SORCS1: variants seen among roughly 807,000 people sequenced by gnomAD.
The protein encoded by SORCS1 is VPS10 domain-containing receptor SorCS1.
A neutral mutation model predicts 146.1 loss-of-function variants in SORCS1; 60 were observed. The ratio of observed to expected loss-of-function variants is 0.41; its 90% confidence interval spans 0.33 to 0.51. SORCS1 has a LOEUF of 0.51. Among genes scored for constraint, SORCS1 ranks in the 20% least tolerant of loss-of-function variants. SORCS1 has a pLI of 0.21. For synonymous variants in SORCS1, 637 were observed against 584.0 expected (o/e 1.09, Z -1.31); for missense variants, 1,352 against 1,487.6 (o/e 0.91, Z 1.50).
At chr10:106,812,414 G>A (rs1392782294) in intron 3 of SORCS1, among the ~76,000 whole-genome samples, 2 of 152,200 alleles carry the variant, frequency 1.3e-5, no homozygotes, top group Non-Finnish European at 2.9e-5. Flanking sequence ...GATTTGAGAA[G>A]CTGGAGCCAT....
intron 7 of SORCS1, among the ~76,000 whole-genome samples, chr10:106,707,225 G>C (rs1364377731): frequency 6.8e-6 from 1 of 147,986 alleles, no homozygotes; most frequent in African/African-American, 2.5e-5. Flanking sequence ...TTTCACTGCT[G>C]TTACCCAGGC....
At chr10:107,054,184 G>C (rs917175735) in intron 1 of SORCS1, among the ~76,000 whole-genome samples, 1 of 152,118 alleles carries the variant, frequency 6.6e-6, no homozygotes, top group Non-Finnish European at 1.5e-5. Context: ...ATTCAGAGAG[G>C]GGAAACTAGA....
intron 5 of SORCS1, among the ~76,000 whole-genome samples, chr10:106,743,454 C>G (rs1857498057): frequency 6.6e-6 from 1 of 152,154 alleles, no homozygotes; most frequent in South Asian, 2.1e-4. Context: ...GAGTCTCATT[C>G]TGCCACCCAG....
chr10:106,804,524 G>A (rs949296781), intron 3 of SORCS1, among the ~76,000 whole-genome samples: 1 of 151,560 alleles, frequency 6.6e-6, no homozygotes. Flanking sequence ...AATCAATAAA[G>A]TAAAAAGTTT....
At chr10:107,157,151 C>T (rs185930510) in intron 1 of SORCS1, among the ~76,000 whole-genome samples, 96 of 152,268 alleles carry the variant, frequency 6.3e-4, no homozygotes, top group Admixed American at 1.7e-3. Context: ...AGACAAACTA[C>T]AAGGCTAGGG....
At chr10:106,892,236 CTAGAGT>C (rs897015062) in intron 2 of SORCS1, among the ~76,000 whole-genome samples, 26 of 152,290 alleles carry the variant, frequency 1.7e-4, no homozygotes, top group African/African-American at 6.3e-4. Flanking sequence ...TTTGGTGACC[CTAGAGT>C]TAAACAACGG....
intron 1 of SORCS1, among the ~76,000 whole-genome samples, chr10:107,045,931 G>C (rs1353986051): frequency 6.6e-6 from 1 of 151,690 alleles, no homozygotes; most frequent in African/African-American, 2.4e-5. Flanking sequence ...ACTACAGGTG[G>C]ATGCCACCAT....
At position 106,786,560 on chromosome 10, in the gene SORCS1, G is replaced by C. The variant is rs186093541; in HGVS notation, c.727-9868C>G. 2.4e-3 allele frequency among the ~76,000 whole-genome samples: 358 copies of C among 152,190 alleles called. 4 individuals are homozygous for C. The highest frequency in any genetic ancestry group is 8.2e-3 in the African/African-American group (342 of 41,528). ...AGCTTTGCATGACCCATCCTTGGAA[G>C]ACCCAGGACATCAATTTTGCCACAT... On this transcript the variant is annotated intron_variant, in intron 3 of 25. Coordinates refer to ENST00000263054, the MANE Select transcript of SORCS1 (RefSeq NM_052918.5).
At chr10:106,940,202 A>T (rs747306053) in intron 2 of SORCS1, among the ~76,000 whole-genome samples, 5 of 152,256 alleles carry the variant, frequency 3.3e-5, no homozygotes, top group African/African-American at 4.8e-5. Flanking sequence ...TTAGAGCAAA[A>T]CATGACATTT....
chr10:106,977,813 GATAA>G (rs775675103), intron 1 of SORCS1, among the ~76,000 whole-genome samples: 13 of 152,180 alleles, frequency 8.5e-5, no homozygotes, highest in Non-Finnish European at 1.8e-4. Context: ...GTACGGCTTC[GATAA>G]ATAATTTGTT....
At chr10:106,847,945 A>C (rs1456859416) in intron 2 of SORCS1, among the ~76,000 whole-genome samples, 4 of 150,736 alleles carry the variant, frequency 2.7e-5, no homozygotes, top group African/African-American at 9.9e-5. Context: ...CTGTGGTCTG[A>C]GAGATAGTTT....
chr10:106,656,097 A>T (rs906038930), intron 17 of SORCS1, among the ~76,000 whole-genome samples: 3 of 152,180 alleles, frequency 2.0e-5, no homozygotes, highest in African/African-American at 7.2e-5. Flanking sequence ...TGCCTTTGAT[A>T]TTACCGATGG....
At chr10:106,728,751 C>T (rs910915394) in intron 6 of SORCS1, among the ~76,000 whole-genome samples, 14 of 152,254 alleles carry the variant, frequency 9.2e-5, no homozygotes, top group Admixed American at 3.3e-4. Context: ...TAGGCACAAA[C>T]GGCAGTGATT....
At chr10:106,880,350 G>A (rs1209333084) in intron 2 of SORCS1, among the ~76,000 whole-genome samples, 2 of 152,066 alleles carry the variant, frequency 1.3e-5, no homozygotes, top group South Asian at 2.1e-4. Context: ...CATCTTTTTT[G>A]TGTTAAAAGA....
rs960241963 is a variant in SORCS1, at chr10:107,156,730, T to C, written c.558+7239A>G. Among the ~76,000 whole-genome samples, 11 of 152,338 alleles carry C rather than the reference T, an allele frequency of 7.2e-5. No homozygotes were observed. The East Asian group carries it at 1.3e-3, about 19-fold the overall frequency. ...ATGTTGATTGACACTCTAGGTTTCC[T>C]ATATGGGAAGACGTAGTGAGACCAC... On this transcript the variant is annotated intron_variant, in intron 1 of 25. Transcript: ENST00000263054.
chr10:106,968,961 A>C (rs1301403329), intron 1 of SORCS1, among the ~76,000 whole-genome samples: 1 of 152,244 alleles, frequency 6.6e-6, no homozygotes, highest in Non-Finnish European at 1.5e-5. Flanking sequence ...CTCTATTAGC[A>C]GATCTTTTGT....
intron 1 of SORCS1, among the ~76,000 whole-genome samples, chr10:107,026,058 T>G (rs905176887): frequency 1.3e-5 from 2 of 152,118 alleles, no homozygotes; most frequent in Non-Finnish European, 2.9e-5. Context: ...GTTGCAGGAT[T>G]GAGATCCCCC....
intron 1 of SORCS1, among the ~76,000 whole-genome samples, chr10:107,042,470 A>G (rs1959175321): frequency 6.6e-6 from 1 of 152,172 alleles, no homozygotes; most frequent in Admixed American, 6.5e-5. Flanking sequence ...TTGGGTAGTG[A>G]CTACTTTTTA....
intron 1 of SORCS1, among the ~76,000 whole-genome samples, chr10:107,005,719 G>A (rs187398499): frequency 3.1e-4 from 47 of 151,946 alleles, no homozygotes; most frequent in Middle Eastern, 3.4e-3. Flanking sequence ...GTAATCATGG[G>A]GAAATTTTAT....
Sources: allele counts gnomAD v4.1 joint callset (sites outside exome capture counted in the v4.1 genomes callset), GRCh38; gene constraint gnomAD v4.1.1; transcripts MANE v1.5; gene names NCBI Gene and HGNC (gene_info 2026-07-23, HGNC 2026-07-21).